SUFU: variants seen among roughly 807,000 people sequenced by gnomAD.
The protein encoded by SUFU is SUFU negative regulator of hedgehog signaling.
SUFU carries 7 observed loss-of-function variants against 58.9 expected under a neutral mutation model. That is an observed-to-expected ratio of 0.12 (90% CI 0.07 to 0.22). SUFU has a LOEUF of 0.22. Ranked by LOEUF, SUFU falls within the 10% of genes least tolerant of loss-of-function variation. SUFU has a pLI of 1.00. For missense variants in SUFU, 451 were observed against 641.3 expected, an observed-to-expected ratio of 0.70 and a Z score of 3.20; for synonymous variants, 232 against 254.8, an observed-to-expected ratio of 0.91 and a Z score of 0.85.
chr10:102,554,890 C>A (rs2062956780), intron 3 of SUFU, among the ~76,000 whole-genome samples: 1 of 152,216 alleles, frequency 6.6e-6, no homozygotes, highest in African/African-American at 2.4e-5. Flanking sequence ...TGAATTAATA[C>A]CTGTAAAACA....
intron 3 of SUFU, among the ~76,000 whole-genome samples, chr10:102,576,206 C>T (rs2063210377): frequency 6.6e-6 from 1 of 152,078 alleles, no homozygotes; most frequent in East Asian, 1.9e-4. Context: ...CCACCCCACC[C>T]AATCTCAGGG....
chr10:102,532,674 A>G (rs2062689755), intron 2 of SUFU, among the ~76,000 whole-genome samples: 1 of 152,208 alleles, frequency 6.6e-6, no homozygotes, highest in Non-Finnish European at 1.5e-5. Context: ...CTTCCTGAAG[A>G]TGAGCAGAGG....
At chr10:102,558,586 A>T (rs2135766168) in intron 3 of SUFU, among the ~76,000 whole-genome samples, 1 of 152,264 alleles carries the variant, frequency 6.6e-6, no homozygotes, top group South Asian at 2.1e-4. Context: ...CCATGTGACC[A>T]CCTTGGTTGG....
At chr10:102,540,753 G>A (rs1424032820) in intron 2 of SUFU, among the ~76,000 whole-genome samples, 2 of 151,498 alleles carry the variant, frequency 1.3e-5, no homozygotes, top group African/African-American at 4.9e-5. Flanking sequence ...CAGGCACAGT[G>A]GCTCACACCT....
chr10:102,516,843 G>A (rs2062476938), intron 2 of SUFU, among the ~76,000 whole-genome samples: 1 of 152,054 alleles, frequency 6.6e-6, no homozygotes, highest in African/African-American at 2.4e-5. Flanking sequence ...AAAGCCTGTA[G>A]CTGGGCATGG....
intron 10 of SUFU, 63 bp from the exon 11 acceptor site, chr10:102,627,112 G>A (rs761762633): frequency 1.0e-5 from 16 of 1,568,086 alleles, no homozygotes; most frequent in Non-Finnish European, 1.3e-5. Flanking sequence ...ATAACGCTTG[G>A]TGGTTGGCAA....
chr10:102,551,264 C>T (rs1465553096), intron 3 of SUFU, among the ~76,000 whole-genome samples: 1 of 152,180 alleles, frequency 6.6e-6, no homozygotes, highest in Non-Finnish European at 1.5e-5. Flanking sequence ...ATCTGGCTGC[C>T]CATCAACCTC....
intron 3 of SUFU, among the ~76,000 whole-genome samples, chr10:102,578,743 C>T (rs1424853009): frequency 1.3e-5 from 2 of 151,056 alleles, no homozygotes; most frequent in African/African-American, 2.4e-5. Flanking sequence ...TGATGGTGCG[C>T]GCCTGTAATC....
chr10:102,574,440 A>G (rs1252906889), intron 3 of SUFU, among the ~76,000 whole-genome samples: 1 of 152,244 alleles, frequency 6.6e-6, no homozygotes, highest in Non-Finnish European at 1.5e-5. Context: ...GATGTTCAGC[A>G]TAAGATTAGA....
intron 3 of SUFU, among the ~76,000 whole-genome samples, chr10:102,572,042 C>G (rs552438943): frequency 6.6e-6 from 1 of 152,126 alleles, no homozygotes; most frequent in African/African-American, 2.4e-5. Flanking sequence ...GGGCTTTTAC[C>G]TGTTTCAGTC....
chr10:102,591,621 C>G (rs1393726788), intron 3 of SUFU: 3 of 150,944 alleles, frequency 2.0e-5, no homozygotes, highest in Non-Finnish European at 4.4e-5. Context: ...GTGAAGTGTT[C>G]CATATTAAAA....
intron 2 of SUFU, among the ~76,000 whole-genome samples, chr10:102,545,293 A>ATTTTTTTTTT (rs1162195255): frequency 2.9e-4 from 31 of 106,238 alleles, no homozygotes; most frequent in Non-Finnish European, 4.1e-4. Flanking sequence ...TAATTTTTGT[A>ATTTTTTTTTT]TTTTTTTTTT....
intron 10 of SUFU, among the ~76,000 whole-genome samples, chr10:102,626,692 G>A (rs2063789576): frequency 6.6e-6 from 1 of 152,080 alleles, no homozygotes; most frequent in African/African-American, 2.4e-5. Context: ...TACCTTCCAG[G>A]GCACTTCCAG....
chr10:102,630,198 TC>T lies in SUFU; in HGVS notation c.*47del, dbSNP rs1319711559. On this transcript the variant is annotated 3_prime_UTR_variant, in exon 12 of 12. Coordinates refer to ENST00000369902, the MANE Select transcript of SUFU (RefSeq NM_016169.4). ...AGTGGCCAGCAGGGAGCCCAGCTGC[TC>T]CCCAGTGACTTCCAGTGTAACAGTT... The T allele has an allele frequency of 6.7e-7, 1 of 1,496,090 alleles. No individual in the cohort carries two copies. Among genetic ancestry groups the T allele is most frequent in the Non-Finnish European group, 9.3e-7 (1 of 1,073,446 alleles). 92.7% of individuals were successfully genotyped at this position (1,496,090 alleles called of 1,614,324 possible). A position where few individuals can be genotyped will look rare whatever the true frequency, so the allele number is the denominator to read the frequency against.
rs147337967 is a variant in SUFU, at chr10:102,605,525, C to T, written c.1022+5981C>T. Among the ~76,000 whole-genome samples the T allele has an allele frequency of 2.9e-3, 449 of 152,228 alleles. 4 individuals are homozygous for T. Among genetic ancestry groups the T allele is most frequent in the African/African-American group, 0.01 (432 of 41,548 alleles). The stretch of plus-strand genomic sequence containing the variant: ...AAAAAAAGAAAATACTGCATTTTGT[C>T]ATTTGGTTATTGGTGTTTACTATTC... On this transcript the variant is annotated intron_variant, in intron 8 of 11. Transcript: ENST00000369902.
Position 102,504,275 on chromosome 10 carries a change from C to T in SUFU, c.123C>T (p.Cys41=), listed in dbSNP as rs1412892420. ...PPGLHAIYGE[C]RRLYPDQPNP... is the part of the protein sequence containing the mutation. The stretch of plus-strand genomic sequence containing the variant: ...GACTGCACGCCATCTACGGAGAGTG[C>T]CGCCGCCTTTACCCTGACCAGCCGA... Residue 41 remains cysteine (C), a synonymous_variant, in exon 1 of 12, where the codon TGC becomes TGT. Coordinates refer to ENST00000369902, the MANE Select transcript of SUFU (RefSeq NM_016169.4). 15 of 1,609,642 alleles carry T rather than the reference C, an allele frequency of 9.3e-6. No homozygotes were observed. Among genetic ancestry groups the T allele is most frequent in the African/African-American group, 4.0e-5 (3 of 74,760 alleles).
At chr10:102,520,659 T>A (rs1041205990) in intron 2 of SUFU, among the ~76,000 whole-genome samples, 2 of 152,030 alleles carry the variant, frequency 1.3e-5, no homozygotes, top group Non-Finnish European at 2.9e-5. Context: ...AACTGTTTGG[T>A]TTTTTTTACT....
chr10:102,530,889 C>T (rs569208365), intron 2 of SUFU, among the ~76,000 whole-genome samples: 55 of 152,036 alleles, frequency 3.6e-4, no homozygotes, highest in African/African-American at 1.3e-3. Flanking sequence ...AAATAGAGGA[C>T]TATATATGGT....
chr10:102,557,302 G>A (rs1467341824), intron 3 of SUFU, among the ~76,000 whole-genome samples: 1 of 151,946 alleles, frequency 6.6e-6, no homozygotes, highest in Admixed American at 6.6e-5. Flanking sequence ...ACAGGGCCAG[G>A]CGTGGTGGCT....
Sources: allele counts gnomAD v4.1 joint callset (sites outside exome capture counted in the v4.1 genomes callset), GRCh38; gene constraint gnomAD v4.1.1; transcripts MANE v1.5; gene names NCBI Gene and HGNC (gene_info 2026-07-23, HGNC 2026-07-21).